Variants in ACSM3 observed in about 807,000 individuals in gnomAD.
ACSM3 encodes the protein acyl-CoA synthetase medium chain family member 3, also known as acyl-coenzyme A synthetase ACSM3, mitochondrial.
In ACSM3, 61 loss-of-function variants were observed where a neutral mutation model predicts 74.1. The ratio of observed to expected loss-of-function variants is 0.82; its 90% confidence interval spans 0.67 to 1.02. ACSM3 has a LOEUF of 1.02. Among genes scored for constraint, ACSM3 ranks in the 50% least tolerant of loss-of-function variants. The pLI is 0.00. For missense variants in ACSM3, 660 were observed against 697.0 expected, an observed-to-expected ratio of 0.95 and a Z score of 0.60; for synonymous variants, 213 against 241.5, an observed-to-expected ratio of 0.88 and a Z score of 1.09.
intron 1 of ACSM3, among the ~76,000 whole-genome samples, chr16:20,766,960 A>C (rs2080132792): frequency 6.6e-6 from 1 of 152,152 alleles, no homozygotes; most frequent in Admixed American, 6.5e-5. Flanking sequence ...TGAAAAGATA[A>C]GTAGAAATAA....
At chr16:20,788,228 A>C (rs1214936732) in intron 9 of ACSM3, among the ~76,000 whole-genome samples, 1 of 152,208 alleles carries the variant, frequency 6.6e-6, no homozygotes, top group Non-Finnish European at 1.5e-5. Context: ...GAAGAAAGAA[A>C]TATTGATAAT....
chr16:20,707,638 A>G (rs955694677), intron 1 of ACSM3, among the ~76,000 whole-genome samples: 5 of 152,196 alleles, frequency 3.3e-5, no homozygotes, highest in African/African-American at 1.2e-4. Flanking sequence ...TGGACCCAGC[A>G]GCAGTCATGT....
chr16:20,796,137 G>T, intron 12 of ACSM3: 1 of 543,204 alleles, frequency 1.8e-6, no homozygotes, highest in Non-Finnish European at 3.0e-6. Context: ...AATCCCCCAT[G>T]CTGAGGGCTA....
intron 1 of ACSM3, among the ~76,000 whole-genome samples, chr16:20,716,803 T>G (rs2152385256): frequency 6.6e-6 from 1 of 152,266 alleles, no homozygotes; most frequent in Non-Finnish European, 1.5e-5. Context: ...TTAACCTGTC[T>G]TTTCTCATTC....
Position 20,796,388 on chromosome 16 carries a change from G to T in ACSM3, c.1573G>T (p.Val525Phe), listed in dbSNP as rs374833367. The T allele has an allele frequency of 6.8e-6, 11 of 1,610,840 alleles. No homozygotes were observed. The highest frequency in any genetic ancestry group is 9.3e-6 in the Non-Finnish European group (11 of 1,179,320). Residue 525 changes from valine to phenylalanine, a missense_variant, in exon 13 of 14, where the codon GTT becomes TTT. Physicochemically the swap from Val to Phe is conservative, Grantham distance 50 (BLOSUM62 -1). Coordinates refer to ENST00000289416, the MANE Select transcript of ACSM3 (RefSeq NM_005622.4). ...ATTTTAGGTAGTAAAGGCTTTTGTC[G>T]TTCTAAATCCTGATTACAAGTCACA... ...IRGEVVKAFVVLNPDYKSHDQ... is the reference protein window; with the variant it reads ...IRGEVVKAFVFLNPDYKSHDQ...
At position 20,737,628 on chromosome 16, in the gene ACSM3, A is replaced by G. The variant is rs1284159083; in HGVS notation, c.-189-12282A>G. ...TCTACACTCAAAAATGTAAGCCTTA[A>G]ATCTTTAAAAAGAAAAAAATCCTTA... is the stretch of plus-strand genomic sequence containing the variant. On this transcript the variant is annotated intron_variant, in intron 1 of 3. Coordinates refer to the ACSM3 transcript ENST00000561584. The G allele has an allele frequency of 2.1e-6, 3 of 1,436,012 alleles. No homozygotes were observed. The African/African-American group carries it at 4.3e-5, about 21-fold the overall frequency. The allele number at this position is 1,436,012 out of a possible 1,614,324, so 89.0% of individuals were successfully genotyped here.
chr16:20,700,546 T>C (rs1375360799), intron 1 of ACSM3, among the ~76,000 whole-genome samples: 1 of 151,890 alleles, frequency 6.6e-6, no homozygotes, highest in Non-Finnish European at 1.5e-5. Context: ...GGCTGACATT[T>C]TCAAGGCATA....
chr16:20,739,172 ATTGAT>A, intron 1 of ACSM3: 1 of 1,136,448 alleles, frequency 8.8e-7, no homozygotes, highest in Non-Finnish European at 1.2e-6. Flanking sequence ...GTGGCTCAGT[ATTGAT>A]TTTTTTTTTT....
At chr16:20,682,660 C>A (rs1257295007) in intron 1 of ACSM3, among the ~76,000 whole-genome samples, 1 of 152,178 alleles carries the variant, frequency 6.6e-6, no homozygotes, top group African/African-American at 2.4e-5. Flanking sequence ...TGCATCTTAA[C>A]AAGTTTTCCA....
intron 3 of ACSM3, among the ~76,000 whole-genome samples, chr16:20,758,088 A>C (rs2080046355): frequency 6.6e-6 from 1 of 152,168 alleles, no homozygotes; most frequent in South Asian, 2.1e-4. Flanking sequence ...ATATTGGTCT[A>C]AAATTCTCTT....
intron 1 of ACSM3, chr16:20,735,254 T>C (rs2079858895): frequency 6.6e-6 from 1 of 152,200 alleles, no homozygotes; most frequent in Non-Finnish European, 1.5e-5. Flanking sequence ...TTATTGTAAG[T>C]ACTCTGGCAA....
chr16:20,775,700 G>C (rs1158576616), intron 2 of ACSM3, 139 bp from the exon 3 acceptor site: 4 of 816,172 alleles, frequency 4.9e-6, no homozygotes, highest in Non-Finnish European at 8.0e-6. Flanking sequence ...CTCCCCCAGA[G>C]TTATTTCCAA....
In ACSM3 at chr16:20,748,976, C is replaced by T. The variant is rs973645575; in HGVS notation, c.-189-934C>T. The stretch of plus-strand genomic sequence containing the variant: ...CTGAAGTAGAAGAATCATTTGAACC[C>T]AGGAAATGGAGGTTCAATGAGCCAT... On this transcript the variant is annotated intron_variant, in intron 1 of 3. Transcript: ENST00000561584. Among the ~76,000 whole-genome samples, 102 of 152,058 alleles carry T rather than the reference C, an allele frequency of 6.7e-4. 1 individual carries two copies. The highest frequency in any genetic ancestry group is 2.3e-3 in the African/African-American group (96 of 41,464).
intron 1 of ACSM3, among the ~76,000 whole-genome samples, chr16:20,712,981 GT>G (rs2079749181): frequency 2.6e-5 from 4 of 151,486 alleles, no homozygotes. Flanking sequence ...CTGAATAACA[GT>G]TTTATTTGTT....
In ACSM3 at chr16:20,742,760, G is replaced by A. The variant is rs564694577; in HGVS notation, c.-189-7150G>A. ...AGCCCAGGCTGTTGCTTCCCGGTCT[G>A]GTGATGAATCCAACATAGTCTGGTG... On this transcript the variant is annotated intron_variant, in intron 1 of 3. Coordinates refer to the ACSM3 transcript ENST00000561584. 8.0e-5 allele frequency among the ~76,000 whole-genome samples: 12 copies of A among 149,650 alleles called. No individual in the cohort carries two copies. In the East Asian group the frequency reaches 2.2e-3, roughly 27 times the overall value.
chr16:20,781,303 C>T (rs1264026367), intron 6 of ACSM3, among the ~76,000 whole-genome samples, 173 bp downstream of exon 6: 1 of 152,168 alleles, frequency 6.6e-6, no homozygotes, highest in African/African-American at 2.4e-5. Flanking sequence ...TCTGTATCCA[C>T]AGGTTCTGCA....
chr16:20,741,481 G>GGGGGGGGGGGGGC, intron 1 of ACSM3: 105 of 1,308,376 alleles, frequency 8.0e-5, no homozygotes, highest in Non-Finnish European at 9.2e-5. Flanking sequence ...CTGGCAGCCG[G>GGGGGGGGGGGGGC]CCCGCCCGCC....
At chr16:20,683,394 CTGGGATTA>C (rs2079485316) in intron 1 of ACSM3, among the ~76,000 whole-genome samples, 1 of 152,080 alleles carries the variant, frequency 6.6e-6, no homozygotes, top group Non-Finnish European at 1.5e-5. Context: ...TCCCAAAGTG[CTGGGATTA>C]CAGCTGTGAG....
At chr16:20,777,609 CT>C (rs1567351268) in intron 4 of ACSM3, 29 bp downstream of exon 4, 2 of 1,580,378 alleles carry the variant, frequency 1.3e-6, no homozygotes, top group Non-Finnish European at 8.7e-7. Flanking sequence ...TGTAAAACAG[CT>C]TCCCAAAAGG....
Sources: allele counts gnomAD v4.1 joint callset (sites outside exome capture counted in the v4.1 genomes callset), GRCh38; gene constraint gnomAD v4.1.1; transcripts MANE v1.5; gene names NCBI Gene and HGNC (gene_info 2026-07-23, HGNC 2026-07-21).